Variants in FAM53A observed in about 807,000 individuals in gnomAD.
The protein encoded by FAM53A is protein FAM53A.
In FAM53A, 28 loss-of-function variants were observed where a neutral mutation model predicts 26.6. That is an observed-to-expected ratio of 1.05 (90% CI 0.78 to 1.45). FAM53A has a LOEUF of 1.45. Among genes scored for constraint, FAM53A ranks in the 40% most tolerant of loss-of-function variants. FAM53A has a pLI of 0.00. For synonymous variants in FAM53A, 290 were observed against 253.1 expected (o/e 1.15, Z -1.38); for missense variants, 650 against 575.8 (o/e 1.13, Z -1.32).
At chr4:1,576,384 G>A in the FAM53A span, among the ~76,000 whole-genome samples, 2 of 152,310 alleles carry the variant, frequency 1.3e-5, no homozygotes, top group South Asian at 2.1e-4. Flanking sequence ...TTCCATAACC[G>A]TGATTTGAGG....
chr4:1,622,241 C>T (rs957382989), intron 1 of FAM53A, among the ~76,000 whole-genome samples: 7 of 151,868 alleles, frequency 4.6e-5, no homozygotes, highest in Non-Finnish European at 1.0e-4. Flanking sequence ...CCAGCCTCGG[C>T]TCATACTCTC....
At chr4:1,638,931 C>A (rs1336463195), downstream of FAM53A, among the ~76,000 whole-genome samples, 3 of 152,346 alleles carry the variant, frequency 2.0e-5, no homozygotes, top group South Asian at 4.1e-4. Flanking sequence ...GGAGGGGACG[C>A]CGGGTGGACT....
At chr4:1,684,531 CG>C (rs1314896727), upstream of FAM53A, among the ~76,000 whole-genome samples, 1 of 151,310 alleles carries the variant, frequency 6.6e-6, no homozygotes, top group Non-Finnish European at 1.5e-5. Context: ...GCCCCGCCCC[CG>C]GATCGACGCC....
chr4:1,671,276 G>A (rs111630794), intron 1 of FAM53A, among the ~76,000 whole-genome samples: 1,938 of 137,070 alleles, frequency 0.014, no homozygotes, highest in South Asian at 0.031. Flanking sequence ...CAGCGTCAGA[G>A]CCACCAGCTC....
chr4:1,682,288 G>T (rs1560220877), intron 1 of FAM53A, among the ~76,000 whole-genome samples: 1 of 128,754 alleles, frequency 7.8e-6, no homozygotes, highest in Non-Finnish European at 1.6e-5. Flanking sequence ...TTTTGAGACA[G>T]AGTCTGGCTC....
chr4:1,582,092 G>A, the FAM53A span, among the ~76,000 whole-genome samples: 3 of 152,188 alleles, frequency 2.0e-5, no homozygotes, highest in Admixed American at 6.5e-5. Flanking sequence ...AGAGCTCCTT[G>A]ACTACTTGAA....
the FAM53A span, among the ~76,000 whole-genome samples, chr4:1,593,336 G>C: frequency 6.6e-6 from 1 of 152,008 alleles, no homozygotes; most frequent in East Asian, 1.9e-4. Flanking sequence ...GGGGAGGCTG[G>C]ACCGCGGCCC....
chr4:1,589,243 C>G, the FAM53A span, among the ~76,000 whole-genome samples: 1 of 152,190 alleles, frequency 6.6e-6, no homozygotes, highest in African/African-American at 2.4e-5. Flanking sequence ...GATAATCATG[C>G]AATTCTTCCC....
chr4:1,585,429 G>T, the FAM53A span, among the ~76,000 whole-genome samples: 13 of 151,986 alleles, frequency 8.6e-5, no homozygotes, highest in Admixed American at 8.5e-4. Flanking sequence ...TGGGATTACA[G>T]GCGCATGCCA....
rs117882668 is a variant in FAM53A at position 1,682,688 on chromosome 4, T to C, written c.-165+1545A>G. On this transcript the variant is annotated intron_variant, in intron 1 of 4. Transcript: ENST00000308132. ...TCTCGGATTAGAGCCTCTTCCTATTTCTGTTTCCTGTGCACATCATTGCAT... is the reference window on the plus strand; with the variant it reads ...TCTCGGATTAGAGCCTCTTCCTATTCCTGTTTCCTGTGCACATCATTGCAT... Among the ~76,000 whole-genome samples, 74 of 152,242 alleles carry C rather than the reference T, an allele frequency of 4.9e-4. No homozygotes were observed. The East Asian group carries it at 0.013, about 27-fold the overall frequency.
At chr4:1,671,547 A>C (rs74552864) in intron 1 of FAM53A, among the ~76,000 whole-genome samples, 1 of 76,112 alleles carries the variant, frequency 1.3e-5, no homozygotes, top group African/African-American at 5.2e-5. Context: ...CGTCAGAGCC[A>C]CCAGCTCACA....
chr4:1,595,274 G>A, the FAM53A span, among the ~76,000 whole-genome samples: 2 of 152,230 alleles, frequency 1.3e-5, no homozygotes, highest in East Asian at 3.8e-4. Flanking sequence ...GGCAGCAGGA[G>A]CCCCACCGGC....
chr4:1,660,497 G>A (rs1055369591), intron 2 of FAM53A, among the ~76,000 whole-genome samples: 14 of 151,980 alleles, frequency 9.2e-5, no homozygotes, highest in African/African-American at 3.4e-4. Flanking sequence ...GCTGAGGTGG[G>A]AGGATTGCTT....
chr4:1,669,934 C>A (rs1714509715), intron 1 of FAM53A, among the ~76,000 whole-genome samples: 1 of 152,234 alleles, frequency 6.6e-6, no homozygotes, highest in South Asian at 2.1e-4. Context: ...TCCGGCCAGT[C>A]TTCTGGGGCC....
intron 4 of FAM53A, among the ~76,000 whole-genome samples, chr4:1,647,877 C>G (rs1192684758): frequency 1.3e-5 from 2 of 152,172 alleles, no homozygotes; most frequent in Non-Finnish European, 2.9e-5. Context: ...CAGAGCATTT[C>G]TTTTTGGCCC....
At chr4:1,593,006 G>A in the FAM53A span, among the ~76,000 whole-genome samples, 1 of 152,058 alleles carries the variant, frequency 6.6e-6, no homozygotes, top group Non-Finnish European at 1.5e-5. Flanking sequence ...CCCCATCCCA[G>A]CCCAGCTGGG....
chr4:1,600,289 G>A, the FAM53A span, among the ~76,000 whole-genome samples: 2 of 152,168 alleles, frequency 1.3e-5, no homozygotes, highest in Admixed American at 1.3e-4. Flanking sequence ...GGGGCACGCA[G>A]GGGCTGGGTT....
intron 4 of FAM53A, among the ~76,000 whole-genome samples, chr4:1,649,744 T>C (rs762317341): frequency 6.6e-6 from 1 of 152,264 alleles, no homozygotes; most frequent in Non-Finnish European, 1.5e-5. Context: ...AACCACAACC[T>C]GGCTGACTGA....
intron 1 of FAM53A, among the ~76,000 whole-genome samples, chr4:1,632,348 G>T (rs74825999): frequency 6.6e-6 from 1 of 152,000 alleles, no homozygotes; most frequent in African/African-American, 2.4e-5. Flanking sequence ...GATAGTGGCC[G>T]CCTTTGAACC....
Sources: gnomAD v4.1 joint callset for allele counts (sites outside exome capture counted in the v4.1 genomes callset) on GRCh38, gnomAD v4.1.1 for gene constraint, MANE v1.5 for transcripts, NCBI Gene and HGNC (gene_info 2026-07-23, HGNC 2026-07-21) for gene names.